The following INPP4B variants were observed in gnomAD, a reference collection of about 807,000 sequenced individuals.
The protein encoded by INPP4B is inositol polyphosphate 4-phosphatase type II.
In INPP4B, 55 loss-of-function variants were observed where a neutral mutation model predicts 122.5. The observed-to-expected ratio is 0.45, with a 90% confidence interval of 0.36 to 0.56. The LOEUF is 0.56. Ranked by LOEUF, INPP4B falls within the 20% of genes least tolerant of loss-of-function variation. INPP4B has a pLI of 0.00. For missense variants in INPP4B, 1,000 were observed against 1,097.7 expected (o/e 0.91, Z 1.26); for synonymous variants, 403 against 388.7 (o/e 1.04, Z -0.43).
chr4:142,329,272 C>T (rs539657085), intron 7 of INPP4B, among the ~76,000 whole-genome samples: 4 of 152,144 alleles, frequency 2.6e-5, no homozygotes, highest in Non-Finnish European at 5.9e-5. Context: ...ACCTGCATAA[C>T]GCAGAGGAGC....
Position 142,628,557 on chromosome 4 carries a change from TAA to T in INPP4B, c.-191+97280_-191+97281del, listed in dbSNP as rs35955830. Among the ~76,000 whole-genome samples the T allele has an allele frequency of 9.1e-3, 912 of 99,884 alleles. 12 individuals carry two copies. Among genetic ancestry groups the T allele is most frequent in the African/African-American group, 0.028 (745 of 26,406 alleles). 65.5% of individuals were successfully genotyped at this position (99,884 alleles called of 152,430 possible). A position where few individuals can be genotyped will look rare whatever the true frequency, so the allele number is the denominator to read the frequency against. On this transcript the variant is annotated intron_variant, in intron 2 of 25. Transcript: ENST00000262992. ...TGCACATGTACCCTAAAACTTAAAG[TAA>T]AAAAAAAAAAAAAAAAAAAAAGAAT... is the stretch of plus-strand genomic sequence containing the variant.
chr4:142,325,214 T>G (rs1396252165), intron 7 of INPP4B, among the ~76,000 whole-genome samples: 1 of 152,130 alleles, frequency 6.6e-6, no homozygotes, highest in Non-Finnish European at 1.5e-5. Context: ...CAAACCGAAC[T>G]CCTTAATATC....
At chr4:142,195,286 G>C (rs1463452107) in intron 14 of INPP4B, among the ~76,000 whole-genome samples, 1 of 152,118 alleles carries the variant, frequency 6.6e-6, no homozygotes, top group Non-Finnish European at 1.5e-5. Flanking sequence ...AATGGAGAGG[G>C]GGAATGCAAA....
At chr4:142,693,924 T>A (rs1423054847) in intron 2 of INPP4B, among the ~76,000 whole-genome samples, 1 of 122,956 alleles carries the variant, frequency 8.1e-6, no homozygotes. Context: ...TATCACAAAT[T>A]TATAAGATCT....
intron 1 of INPP4B, among the ~76,000 whole-genome samples, chr4:142,738,419 C>T (rs569217797): frequency 3.0e-4 from 46 of 151,974 alleles, no homozygotes; most frequent in African/African-American, 5.8e-4. Flanking sequence ...TGAGAACACA[C>T]GGACACAGGA....
chr4:142,468,871 G>A (rs2149661795), intron 2 of INPP4B, among the ~76,000 whole-genome samples: 1 of 152,160 alleles, frequency 6.6e-6, no homozygotes, highest in South Asian at 2.1e-4. Context: ...TAAGACAACA[G>A]GTTTTCATGG....
intron 25 of INPP4B, among the ~76,000 whole-genome samples, chr4:142,055,206 G>A (rs1007918000): frequency 6.6e-6 from 1 of 152,064 alleles, no homozygotes; most frequent in Non-Finnish European, 1.5e-5. Context: ...TTTCAATAGT[G>A]TGATACATTA....
At chr4:142,589,101 T>C (rs1258755338) in intron 2 of INPP4B, among the ~76,000 whole-genome samples, 5 of 152,006 alleles carry the variant, frequency 3.3e-5, no homozygotes, top group Admixed American at 6.6e-5. Context: ...AGGGAAAAGA[T>C]AGTCTTTTCA....
intron 7 of INPP4B, among the ~76,000 whole-genome samples, chr4:142,344,644 T>C (rs1253196633): frequency 6.6e-6 from 1 of 152,022 alleles, no homozygotes; most frequent in East Asian, 1.9e-4. Flanking sequence ...TAATCGTTTT[T>C]CTTTAAAATG....
intron 2 of INPP4B, among the ~76,000 whole-genome samples, chr4:142,532,618 C>T (rs1405247728): frequency 6.6e-6 from 1 of 151,870 alleles, no homozygotes; most frequent in Non-Finnish European, 1.5e-5. Flanking sequence ...CAATAGCCCG[C>T]CAGATTAAGA....
intron 10 of INPP4B, among the ~76,000 whole-genome samples, chr4:142,264,721 T>C (rs558113525): frequency 3.3e-5 from 5 of 152,326 alleles, no homozygotes; most frequent in African/African-American, 1.2e-4. Flanking sequence ...AAGATTAAAA[T>C]GTAGTATTTT....
At chr4:142,315,315 G>A (rs765591844) in intron 7 of INPP4B, among the ~76,000 whole-genome samples, 36 of 152,036 alleles carry the variant, frequency 2.4e-4, no homozygotes, top group Non-Finnish European at 4.4e-4. Context: ...TTTCCCACTT[G>A]AGAATTCTGG....
At chr4:142,468,512 T>C (rs1223483202) in intron 2 of INPP4B, among the ~76,000 whole-genome samples, 1 of 152,198 alleles carries the variant, frequency 6.6e-6, no homozygotes, top group Non-Finnish European at 1.5e-5. Flanking sequence ...TGAAGCCTAA[T>C]GGGAGGTGCC....
intron 2 of INPP4B, among the ~76,000 whole-genome samples, chr4:142,533,225 C>T (rs1297436190): frequency 3.3e-5 from 5 of 152,070 alleles, no homozygotes; most frequent in African/African-American, 1.2e-4. Context: ...ATGCATTATA[C>T]AAAAGACAAA....
At chr4:142,305,667 T>A (rs767555284) in intron 8 of INPP4B, 130 bp from the exon 9 acceptor site, 33 of 1,471,320 alleles carry the variant, frequency 2.2e-5, no homozygotes, top group Non-Finnish European at 2.9e-5. Context: ...AATATTTCAG[T>A]AACAGAGATA....
At chr4:142,803,787 A>T (rs552476893) in intron 1 of INPP4B, among the ~76,000 whole-genome samples, 1 of 152,076 alleles carries the variant, frequency 6.6e-6, no homozygotes, top group African/African-American at 2.4e-5. Context: ...ATGACTATCA[A>T]TGTAAAAATC....
At chr4:142,753,702 T>C (rs1178029475) in intron 1 of INPP4B, among the ~76,000 whole-genome samples, 5 of 152,018 alleles carry the variant, frequency 3.3e-5, no homozygotes, top group Non-Finnish European at 7.4e-5. Context: ...AATATGCTTC[T>C]CAAAGAGAAA....
At chr4:142,759,825 T>TAA (rs70949188) in intron 1 of INPP4B, among the ~76,000 whole-genome samples, 5,939 of 69,966 alleles carry the variant, frequency 0.085, 364 homozygotes, top group Middle Eastern at 0.12. Context: ...GAGCTTTTTC[T>TAA]AAAAAAAAAA....
intron 18 of INPP4B, among the ~76,000 whole-genome samples, chr4:142,130,055 C>T (rs751252866): frequency 2.0e-5 from 3 of 152,094 alleles, no homozygotes; most frequent in Non-Finnish European, 4.4e-5. Flanking sequence ...AGTGACCAAA[C>T]GAGTTTTAGA....
Sources: gnomAD v4.1 joint callset for allele counts (sites outside exome capture counted in the v4.1 genomes callset) on GRCh38, gnomAD v4.1.1 for gene constraint, MANE v1.5 for transcripts, NCBI Gene and HGNC (gene_info 2026-07-23, HGNC 2026-07-21) for gene names.